ARL6IP6: variants seen among roughly 807,000 people sequenced by gnomAD.
ARL6IP6 encodes ARF like GTPase 6 interacting protein 6, also known as ADP-ribosylation factor-like protein 6-interacting protein 6.
A neutral mutation model predicts 21.5 loss-of-function variants in ARL6IP6; 22 were observed. That is an observed-to-expected ratio of 1.02 (90% CI 0.73 to 1.46). ARL6IP6 has a LOEUF of 1.46. Among genes scored for constraint, ARL6IP6 ranks in the 40% most tolerant of loss-of-function variants. The probability of loss-of-function intolerance (pLI) is 0.00; values close to 1 mark genes in which losing one functional copy is unlikely to be tolerated. For synonymous variants in ARL6IP6, 164 were observed against 125.3 expected (o/e 1.31, Z -2.06); for missense variants, 388 against 299.8 (o/e 1.29, Z -2.17).
At chr2:152,719,882 C>T (rs1308110352) in intron 1 of ARL6IP6, 3 of 468,262 alleles carry the variant, frequency 6.4e-6, no homozygotes, top group South Asian at 1.6e-5. Context: ...TTTTATTTGT[C>T]CTCATTGCTT....
chr2:152,754,906 G>T (rs963781992), intron 3 of ARL6IP6, among the ~76,000 whole-genome samples: 15 of 152,124 alleles, frequency 9.9e-5, no homozygotes, highest in Admixed American at 2.0e-4. Flanking sequence ...GCCAAGGCAA[G>T]AGACCGAGGG....
chr2:152,722,123 G>C lies in ARL6IP6; in HGVS notation c.454+1537G>C, dbSNP rs929825773. On this transcript the variant is annotated intron_variant, in intron 2 of 3. Transcript: ENST00000326446. ...AATGACGGGCAGTTGTTATCTGAAG[G>C]AATGGCTTGCTCAATATCAAAAGGA... Among the ~76,000 whole-genome samples, 3 of 152,170 alleles carry C rather than the reference G, an allele frequency of 2.0e-5. No individual in the cohort carries two copies. The East Asian group carries it at 5.8e-4, about 29-fold the overall frequency.
At chr2:152,757,323 C>G (rs574424299) in intron 3 of ARL6IP6, among the ~76,000 whole-genome samples, 24 of 152,002 alleles carry the variant, frequency 1.6e-4, no homozygotes, top group South Asian at 4.2e-4. Flanking sequence ...GAGTCTACCA[C>G]AGTAAAAATG....
intron 2 of ARL6IP6, chr2:152,732,651 G>A: frequency 2.5e-6 from 1 of 406,838 alleles, no homozygotes; most frequent in South Asian, 1.9e-5. Context: ...ATAGTAATAT[G>A]TGTGTTTACC....
chr2:152,746,001 CTTTTTTTTTTTTTT>C (rs67760283), intron 3 of ARL6IP6, among the ~76,000 whole-genome samples: 73 of 66,394 alleles, frequency 1.1e-3, no homozygotes, highest in African/African-American at 4.6e-3. Flanking sequence ...TGCTTTGTAC[CTTTTTTTTTTTTTT>C]TTTTTTTTTT....
At chr2:152,722,991 T>C (rs1201368861) in intron 2 of ARL6IP6, among the ~76,000 whole-genome samples, 3 of 152,122 alleles carry the variant, frequency 2.0e-5, no homozygotes, top group African/African-American at 7.2e-5. Flanking sequence ...TCAAGAAAAA[T>C]ACAAGTTAGC....
At position 152,729,055 on chromosome 2, in the gene ARL6IP6, C is replaced by CAAA. The variant is rs70974883; in HGVS notation, c.455-5924_455-5922dup. Among the ~76,000 whole-genome samples the CAAA allele has an allele frequency of 6.8e-5, 8 of 117,244 alleles. No individual in the cohort carries two copies. The South Asian group carries it at 1.3e-3, about 19-fold the overall frequency. 76.9% of individuals were successfully genotyped at this position (117,244 alleles called of 152,430 possible). ...CTGGCAACACAGCAAGATTCCTTCTCAAAAAAAAAAAAAAAAATTAATATA... is the reference window on the plus strand; with the variant it reads ...CTGGCAACACAGCAAGATTCCTTCTCAAAAAAAAAAAAAAAAAAAATTAATATA... On this transcript the variant is annotated intron_variant, in intron 2 of 3. Coordinates refer to ENST00000326446, the MANE Select transcript of ARL6IP6 (RefSeq NM_152522.7).
intron 2 of ARL6IP6, among the ~76,000 whole-genome samples, chr2:152,730,188 A>AC: frequency 6.6e-6 from 1 of 152,212 alleles, no homozygotes; most frequent in South Asian, 2.1e-4. Context: ...ATTGTGGAAT[A>AC]GTAATTTTGG....
At chr2:152,740,579 G>A (rs984913000) in intron 3 of ARL6IP6, among the ~76,000 whole-genome samples, 5 of 151,616 alleles carry the variant, frequency 3.3e-5, no homozygotes, top group African/African-American at 4.8e-5. Flanking sequence ...ATTTAGATGT[G>A]TATATATATT....
intron 2 of ARL6IP6, among the ~76,000 whole-genome samples, chr2:152,730,325 C>A (rs1055496776): frequency 1.3e-5 from 2 of 152,164 alleles, no homozygotes; most frequent in African/African-American, 4.8e-5. Flanking sequence ...TGTCTTTCCT[C>A]ACTTATCTAG....
At position 152,720,267 on chromosome 2, in the gene ARL6IP6, G is replaced by A. The variant is rs1699719227; in HGVS notation, c.401-266G>A. ...AGAGAAAGGAACTGAACTCCACCTA[G>A]TATGCCCTTTAGTGTTTACCACTAC... On this transcript the variant is annotated intron_variant, in intron 1 of 3. Transcript: ENST00000326446. 8.2e-6 allele frequency: 4 copies of A among 485,296 alleles called. No individual in the cohort carries two copies. In the Admixed American group the frequency reaches 1.1e-4, roughly 13 times the overall value. 30.1% of individuals were successfully genotyped at this position (485,296 alleles called of 1,614,324 possible). A position where few individuals can be genotyped will look rare whatever the true frequency, so the allele number is the denominator to read the frequency against.
At chr2:152,720,871 A>T (rs1014498413) in intron 2 of ARL6IP6, among the ~76,000 whole-genome samples, 5 of 152,166 alleles carry the variant, frequency 3.3e-5, no homozygotes, top group Non-Finnish European at 1.5e-5. Flanking sequence ...CAGTAGAATC[A>T]CTTGAGCCCA....
At chr2:152,739,782 G>A (rs1270921523) in intron 3 of ARL6IP6, among the ~76,000 whole-genome samples, 1 of 152,208 alleles carries the variant, frequency 6.6e-6, no homozygotes, top group Non-Finnish European at 1.5e-5. Context: ...ATAAAGGAAA[G>A]AGGTTTAATT....
chr2:152,741,249 A>G (rs1700794390), intron 3 of ARL6IP6, among the ~76,000 whole-genome samples: 1 of 152,138 alleles, frequency 6.6e-6, no homozygotes, highest in South Asian at 2.1e-4. Context: ...ACATTTTAAC[A>G]TATATTTTTC....
intron 2 of ARL6IP6, among the ~76,000 whole-genome samples, chr2:152,726,516 A>C (rs370218419): frequency 1.7e-4 from 26 of 152,354 alleles, no homozygotes; most frequent in African/African-American, 6.0e-4. Context: ...GAGGATACCA[A>C]ATTATTTAAA....
intron 2 of ARL6IP6, among the ~76,000 whole-genome samples, chr2:152,729,241 G>C (rs1049308020): frequency 1.3e-5 from 2 of 151,576 alleles, no homozygotes; most frequent in African/African-American, 4.9e-5. Flanking sequence ...GTGGTGGCAG[G>C]CGCCTGTAAT....
At chr2:152,731,878 A>T (rs891504524) in intron 2 of ARL6IP6, among the ~76,000 whole-genome samples, 2 of 152,082 alleles carry the variant, frequency 1.3e-5, no homozygotes, top group Non-Finnish European at 2.9e-5. Context: ...CCCCTTATTT[A>T]TACAAATGCA....
rs149220121 is a variant in ARL6IP6 at position 152,755,440 on chromosome 2, C to T, written c.588-4307C>T. Among the ~76,000 whole-genome samples, 887 of 152,338 alleles carry T rather than the reference C, an allele frequency of 5.8e-3. 6 individuals carry two copies. Among genetic ancestry groups the T allele is most frequent in the African/African-American group, 0.02 (848 of 41,572 alleles). ...GTGATGCTGTGCTTCATTGGCCACGCTCCTGGTCCACCCACTTTCATGTTC... is the reference window on the plus strand; with the variant it reads ...GTGATGCTGTGCTTCATTGGCCACGTTCCTGGTCCACCCACTTTCATGTTC... On this transcript the variant is annotated intron_variant, in intron 3 of 3. Coordinates refer to ENST00000326446, the MANE Select transcript of ARL6IP6 (RefSeq NM_152522.7).
chr2:152,732,029 C>T (rs1336505680), intron 2 of ARL6IP6, among the ~76,000 whole-genome samples: 1 of 151,932 alleles, frequency 6.6e-6, no homozygotes, highest in Non-Finnish European at 1.5e-5. Flanking sequence ...TTAACCAATC[C>T]TTTACCTTCA....
Sources: gnomAD v4.1 joint callset for allele counts (sites outside exome capture counted in the v4.1 genomes callset) on GRCh38, gnomAD v4.1.1 for gene constraint, MANE v1.5 for transcripts, NCBI Gene and HGNC (gene_info 2026-07-23, HGNC 2026-07-21) for gene names.